LARGE1: variants seen among roughly 807,000 people sequenced by gnomAD.
LARGE1 encodes the protein LARGE xylosyl- and glucuronyltransferase 1, also known as xylosyl- and glucuronyltransferase LARGE1.
Under a neutral mutation model 87.6 loss-of-function variants are expected in LARGE1, and 43 were observed. The ratio of observed to expected loss-of-function variants is 0.49; its 90% confidence interval spans 0.38 to 0.63. The LOEUF (loss-of-function observed/expected upper bound fraction) is 0.63, where lower values mean the gene tolerates loss of function less well. LARGE1 is among the 30% of genes least tolerant of loss of function. The pLI is 0.00. For synonymous variants in LARGE1, 434 were observed against 394.6 expected (o/e 1.10, Z -1.18); for missense variants, 802 against 1,000.2 (o/e 0.80, Z 2.67).
At chr22:33,074,861 C>T in the LARGE1 span, among the ~76,000 whole-genome samples, 1 of 152,156 alleles carries the variant, frequency 6.6e-6, no homozygotes, top group Non-Finnish European at 1.5e-5. Flanking sequence ...ATATATTTGA[C>T]ATTTACTGAG....
chr22:33,133,792 A>T, the LARGE1 span, among the ~76,000 whole-genome samples: 49,556 of 151,976 alleles, frequency 0.33, 8,286 homozygotes, highest in South Asian at 0.46. Flanking sequence ...TTACACTCCC[A>T]CCAACAGTGT....
rs1161575640 is a variant in LARGE1 at position 33,420,995 on chromosome 22, C to G, written c.892+11166G>C. On this transcript the variant is annotated intron_variant, in intron 7 of 14. Transcript: ENST00000397394. ...CTGAGGTCAGGAGTTCGAGACCAGC[C>G]CGGCCAACATGGTGAAACCCCATCT... Among the ~76,000 whole-genome samples the G allele has an allele frequency of 2.6e-5, 4 of 152,128 alleles. No individual in the cohort carries two copies. In the East Asian group the frequency reaches 7.7e-4, roughly 29 times the overall value.
intron 1 of LARGE1, among the ~76,000 whole-genome samples, chr22:33,829,221 C>T (rs914977695): frequency 1.3e-5 from 2 of 151,862 alleles, no homozygotes; most frequent in African/African-American, 2.4e-5. Flanking sequence ...GTTGTCCAGG[C>T]TGGTCTCGAA....
At chr22:33,429,331 G>T (rs555513226) in intron 7 of LARGE1, among the ~76,000 whole-genome samples, 1 of 152,214 alleles carries the variant, frequency 6.6e-6, no homozygotes, top group East Asian at 1.9e-4. Context: ...TTATTTAAAT[G>T]GACACATCAC....
intron 7 of LARGE1, among the ~76,000 whole-genome samples, chr22:33,429,159 G>T (rs552365143): frequency 3.9e-5 from 6 of 152,060 alleles, no homozygotes; most frequent in Non-Finnish European, 7.4e-5. Context: ...GTTCTCTCCA[G>T]GGTCGTCCTC....
chr22:33,550,007 G>A (rs1309770256), intron 6 of LARGE1, among the ~76,000 whole-genome samples: 9 of 152,096 alleles, frequency 5.9e-5, no homozygotes, highest in Non-Finnish European at 1.2e-4. Flanking sequence ...AGGGTCAGGG[G>A]ATGGGGGAGG....
intron 2 of LARGE1, among the ~76,000 whole-genome samples, chr22:33,667,180 T>C (rs1174760368): frequency 6.6e-6 from 1 of 152,236 alleles, no homozygotes; most frequent in Non-Finnish European, 1.5e-5. Flanking sequence ...TGCTGGATGA[T>C]GGGAGAGTTA....
chr22:33,432,341 G>C (rs2067108444), intron 6 of LARGE1, 76 bp from the exon 7 acceptor site: 1 of 1,073,520 alleles, frequency 9.3e-7, no homozygotes, highest in Admixed American at 1.8e-5. Context: ...TGAAGACACA[G>C]GGTAATGGCA....
intron 1 of LARGE1, among the ~76,000 whole-genome samples, chr22:33,903,841 C>CAAAAA (rs1340113490): frequency 2.2e-4 from 33 of 151,928 alleles, no homozygotes; most frequent in African/African-American, 6.8e-4. Context: ...CAAAACAAAA[C>CAAAAA]AAAAAAAGTC....
At position 33,581,256 on chromosome 22, in the gene LARGE1, C is replaced by T. The variant is rs570111436; in HGVS notation, c.616-16237G>A. ...TCACTGTCATAATGTGGAGGGCCTT[C>T]TAACACCAGTACCTAATGCTGGAAC... is the stretch of plus-strand genomic sequence containing the variant. On this transcript the variant is annotated intron_variant, in intron 5 of 14. Coordinates refer to ENST00000397394, the MANE Select transcript of LARGE1 (RefSeq NM_133642.5). Among the ~76,000 whole-genome samples, 138 of 152,250 alleles carry T rather than the reference C, an allele frequency of 9.1e-4. 1 individual carries two copies. Among genetic ancestry groups the T allele is most frequent in the African/African-American group, 3.2e-3 (133 of 41,550 alleles).
chr22:33,534,544 A>C (rs1223345874), intron 6 of LARGE1, among the ~76,000 whole-genome samples: 2 of 152,184 alleles, frequency 1.3e-5, no homozygotes, highest in Non-Finnish European at 2.9e-5. Context: ...GAAATGTAAG[A>C]GCAAAGGGGG....
intron 1 of LARGE1, among the ~76,000 whole-genome samples, chr22:33,764,976 C>G (rs2084854278): frequency 6.6e-6 from 1 of 152,136 alleles, no homozygotes; most frequent in African/African-American, 2.4e-5. Flanking sequence ...CTGACTGTAT[C>G]ACAACATTAA....
Position 33,614,442 on chromosome 22 carries a change from C to A in LARGE1, c.492-9884G>T, listed in dbSNP as rs115654633. 8.2e-3 allele frequency among the ~76,000 whole-genome samples: 1,254 copies of A among 152,204 alleles called. 14 individuals carry two copies. Among genetic ancestry groups the A allele is most frequent in the African/African-American group, 0.029 (1,189 of 41,520 alleles). On this transcript the variant is annotated intron_variant, in intron 4 of 14. Coordinates refer to ENST00000397394, the MANE Select transcript of LARGE1 (RefSeq NM_133642.5). Reference sequence around the variant, plus strand: ...CTTGCTCTAATGTAATCACACAGCCCCTTGCTCACTGTACAATATATAAGC... The same window carrying A: ...CTTGCTCTAATGTAATCACACAGCCACTTGCTCACTGTACAATATATAAGC...
At chr22:33,797,527 AT>A in intron 1 of LARGE1, among the ~76,000 whole-genome samples, 1 of 152,304 alleles carries the variant, frequency 6.6e-6, no homozygotes, top group East Asian at 1.9e-4. Flanking sequence ...TACTCCAATG[AT>A]GGAGGAGCCA....
intron 7 of LARGE1, among the ~76,000 whole-genome samples, chr22:33,406,477 C>A (rs138362117): frequency 1.9e-4 from 29 of 152,116 alleles, no homozygotes; most frequent in Non-Finnish European, 3.7e-4. Context: ...TTCAAAGAAG[C>A]CTGTGTGATG....
intron 2 of LARGE1, chr22:33,744,111 T>C (rs2083991470): frequency 6.6e-6 from 1 of 152,236 alleles, no homozygotes; most frequent in Admixed American, 6.5e-5. Context: ...TAATACTCTA[T>C]TTTATTTGCA....
intron 11 of LARGE1, among the ~76,000 whole-genome samples, chr22:33,265,062 G>T (rs1159474847): frequency 6.6e-6 from 1 of 151,496 alleles, no homozygotes; most frequent in Non-Finnish European, 1.5e-5. Flanking sequence ...CACCATGCCT[G>T]GCTAATTTTT....
At chr22:33,922,670 T>A (rs1305004149), upstream of LARGE1, 1 of 152,258 alleles carries the variant, frequency 6.6e-6, no homozygotes, top group African/African-American at 2.4e-5. Flanking sequence ...TAGCAGATTC[T>A]GTTTCTGATG....
At chr22:33,079,109 T>C in the LARGE1 span, among the ~76,000 whole-genome samples, 2 of 151,956 alleles carry the variant, frequency 1.3e-5, no homozygotes, top group African/African-American at 4.8e-5. Context: ...ATGAGGATGG[T>C]AATACTAGTA....
Sources: gnomAD v4.1 joint callset for allele counts (sites outside exome capture counted in the v4.1 genomes callset) on GRCh38, gnomAD v4.1.1 for gene constraint, MANE v1.5 for transcripts, NCBI Gene and HGNC (gene_info 2026-07-23, HGNC 2026-07-21) for gene names.